RIMS2: variants seen among roughly 807,000 people sequenced by gnomAD.
The protein encoded by RIMS2 is regulating synaptic membrane exocytosis 2.
RIMS2 carries 59 observed loss-of-function variants against 174.4 expected under a neutral mutation model. The ratio of observed to expected loss-of-function variants is 0.34; its 90% CI spans 0.27 to 0.42. The LOEUF (loss-of-function observed/expected upper bound fraction) is 0.42, where lower values mean the gene tolerates loss of function less well. RIMS2 is among the 10% of genes least tolerant of loss of function. The probability of loss-of-function intolerance (pLI) is 1.00; values close to 1 mark genes in which losing one functional copy is unlikely to be tolerated. For missense variants in RIMS2, 1,620 were observed against 1,666.3 expected, an observed-to-expected ratio of 0.97 and a Z score of 0.48; for synonymous variants, 606 against 572.5, an observed-to-expected ratio of 1.06 and a Z score of -0.84.
chr8:103,786,220 A>T (rs2098442432), intron 3 of RIMS2, among the ~76,000 whole-genome samples: 1 of 152,134 alleles, frequency 6.6e-6, no homozygotes, highest in Non-Finnish European at 1.5e-5. Flanking sequence ...TCAAAAAACC[A>T]GCTCCTGGAT....
intron 3 of RIMS2, among the ~76,000 whole-genome samples, chr8:103,783,935 T>C (rs2098416789): frequency 6.6e-6 from 1 of 152,042 alleles, no homozygotes; most frequent in Non-Finnish European, 1.5e-5. Flanking sequence ...ACCTGTTGTT[T>C]CCTGACTTTT....
intron 1 of RIMS2, among the ~76,000 whole-genome samples, chr8:103,545,548 A>G (rs534611285): frequency 1.8e-4 from 28 of 152,336 alleles, no homozygotes; most frequent in Admixed American, 7.8e-4. Context: ...ACTATACAAG[A>G]TGACCATCAC....
At chr8:103,824,629 T>C (rs1009593468) in intron 3 of RIMS2, among the ~76,000 whole-genome samples, 3 of 152,182 alleles carry the variant, frequency 2.0e-5, no homozygotes, top group Non-Finnish European at 4.4e-5. Flanking sequence ...CAGAGAACGC[T>C]TTCAAGGTCT....
rs181400143 is a variant in RIMS2, at chr8:103,981,069, A to T, written c.2927+5563A>T. ...CACCTACTGATTGTAGAGTCCTAGG[A>T]CCTTGAGTGAACATAGGTGATAGTA... On this transcript the variant is annotated intron_variant, in intron 16 of 23. Transcript: ENST00000504942. Among the ~76,000 whole-genome samples the T allele has an allele frequency of 2.0e-5, 3 of 152,220 alleles. No individual in the cohort carries two copies. In the East Asian group the frequency reaches 5.8e-4, roughly 29 times the overall value.
At chr8:104,118,814 A>G (rs1213768822) in intron 19 of RIMS2, among the ~76,000 whole-genome samples, 1 of 152,100 alleles carries the variant, frequency 6.6e-6, no homozygotes, top group African/African-American at 2.4e-5. Context: ...CACTCTTCCT[A>G]GTTTGCAGAT....
At chr8:104,110,535 A>G (rs1472310586) in intron 19 of RIMS2, among the ~76,000 whole-genome samples, 2 of 152,190 alleles carry the variant, frequency 1.3e-5, no homozygotes, top group African/African-American at 4.8e-5. Flanking sequence ...TTAAAACATT[A>G]CATATTATTT....
intron 9 of RIMS2, chr8:103,920,939 C>A: frequency 3.2e-6 from 1 of 307,698 alleles, no homozygotes; most frequent in Non-Finnish European, 6.3e-6. Context: ...GCGGAGCTTG[C>A]AGTGAGCCGA....
intron 19 of RIMS2, among the ~76,000 whole-genome samples, chr8:104,100,779 T>G (rs1485405913): frequency 6.9e-6 from 1 of 144,810 alleles, no homozygotes; most frequent in Non-Finnish European, 1.5e-5. Context: ...AACATACTAA[T>G]CCCATTCAAT....
chr8:103,723,698 GTC>G (rs2097486187), intron 2 of RIMS2, among the ~76,000 whole-genome samples: 1 of 152,184 alleles, frequency 6.6e-6, no homozygotes, highest in Non-Finnish European at 1.5e-5. Flanking sequence ...CCAACCTGGA[GTC>G]TGAGGCTGTG....
At chr8:104,098,693 GC>G (rs1165156393) in intron 19 of RIMS2, among the ~76,000 whole-genome samples, 2 of 151,958 alleles carry the variant, frequency 1.3e-5, no homozygotes, top group African/African-American at 4.8e-5. Flanking sequence ...AAGAGACTTA[GC>G]CATTTCAATT....
At chr8:104,251,846 G>A in exon 24 of RIMS2, 2 of 1,085,054 alleles carry the variant, frequency 1.8e-6, no homozygotes, top group Non-Finnish European at 1.3e-6. Context: ...TGTTGTCACA[G>A]CAACCAGCGT....
intron 16 of RIMS2, among the ~76,000 whole-genome samples, chr8:103,982,559 A>T (rs2094003559): frequency 6.6e-6 from 1 of 152,178 alleles, no homozygotes; most frequent in African/African-American, 2.4e-5. Context: ...ATCAAGACCA[A>T]GTAAAATTTA....
chr8:103,944,618 G>A (rs986334532), intron 14 of RIMS2, among the ~76,000 whole-genome samples: 11 of 151,950 alleles, frequency 7.2e-5, no homozygotes, highest in African/African-American at 2.7e-4. Flanking sequence ...TTAGAGTACT[G>A]GTTAGCTGTA....
At chr8:103,573,802 C>T (rs758208012) in intron 1 of RIMS2, among the ~76,000 whole-genome samples, 13 of 151,962 alleles carry the variant, frequency 8.6e-5, no homozygotes, top group Non-Finnish European at 1.6e-4. Context: ...TTTGGGCATT[C>T]TGGATATTTA....
chr8:103,789,771 T>TTTTTTTTGG (rs2098479552), intron 3 of RIMS2, among the ~76,000 whole-genome samples: 1 of 100,678 alleles, frequency 9.9e-6, no homozygotes, highest in African/African-American at 4.3e-5. Flanking sequence ...TTTTTTTTTT[T>TTTTTTTTGG]GAGACAGGGT....
intron 19 of RIMS2, chr8:104,094,510 G>A (rs1297618017): frequency 2.9e-6 from 2 of 690,410 alleles, no homozygotes; most frequent in African/African-American, 3.5e-5. Flanking sequence ...GGGAAAGAAG[G>A]GGATAAGCAT....
At chr8:103,658,412 T>C (rs1232359135) in intron 1 of RIMS2, among the ~76,000 whole-genome samples, 2 of 152,148 alleles carry the variant, frequency 1.3e-5, no homozygotes, top group Non-Finnish European at 1.5e-5. Context: ...ATAAATAAGA[T>C]TACAAGTAAA....
intron 19 of RIMS2, among the ~76,000 whole-genome samples, chr8:104,049,126 TAAAA>T (rs397891918): frequency 1.4e-5 from 2 of 139,828 alleles, no homozygotes; most frequent in South Asian, 4.6e-4. Flanking sequence ...GATTTTTCTT[TAAAA>T]AAAAAAAAAA....
intron 19 of RIMS2, among the ~76,000 whole-genome samples, chr8:104,145,720 G>A (rs1031189495): frequency 2.3e-4 from 22 of 96,152 alleles, no homozygotes; most frequent in Admixed American, 9.9e-4. Context: ...TAAATTCGCC[G>A]GACATGGTGG....
Sources: gnomAD v4.1 joint callset for allele counts (sites outside exome capture counted in the v4.1 genomes callset) on GRCh38, gnomAD v4.1.1 for gene constraint, MANE v1.5 for transcripts, NCBI Gene and HGNC (gene_info 2026-07-23, HGNC 2026-07-21) for gene names.